Variants in PLCE1 observed in about 807,000 individuals in gnomAD.
PLCE1 encodes 1-phosphatidylinositol 4,5-bisphosphate phosphodiesterase epsilon-1.
Under a neutral mutation model 242.8 loss-of-function variants are expected in PLCE1, and 119 were observed. The ratio of observed to expected loss-of-function variants is 0.49; its 90% CI spans 0.42 to 0.57. The LOEUF (loss-of-function observed/expected upper bound fraction) is 0.57. Ranked by LOEUF, PLCE1 falls within the 20% of genes least tolerant of loss-of-function variation. The probability of loss-of-function intolerance (pLI) is 0.00; values close to 1 mark genes in which losing one functional copy is unlikely to be tolerated. For missense variants in PLCE1, 2,441 were observed against 2,788.8 expected (o/e 0.88, Z 2.81); for synonymous variants, 945 against 1,017.4 (o/e 0.93, Z 1.35).
chr10:94,071,500 T>TTTTTGTTTTTTTTTTTTTTTTG (rs1554848892), intron 2 of PLCE1, among the ~76,000 whole-genome samples: 2 of 130,758 alleles, frequency 1.5e-5, no homozygotes, highest in African/African-American at 6.5e-5. Flanking sequence ...TTTTCGTTTT[T>TTTTTGTTTTTTTTTTTTTTTTG]TTTTTTTTTT....
intron 3 of PLCE1, among the ~76,000 whole-genome samples, chr10:94,158,848 CT>C (rs1167078560): frequency 8.8e-6 from 1 of 113,182 alleles, no homozygotes; most frequent in African/African-American, 2.8e-5. Context: ...TTTTCTTCTT[CT>C]TTTTCTTTTT....
chr10:94,259,848 C>T (rs950104894), intron 13 of PLCE1, among the ~76,000 whole-genome samples: 1 of 152,040 alleles, frequency 6.6e-6, no homozygotes, highest in African/African-American at 2.4e-5. Context: ...GCTGGGGAGG[C>T]CTTACAATCA....
At chr10:94,237,760 AGTAAGCACTATTTCT>A (rs1194689509) in intron 7 of PLCE1, among the ~76,000 whole-genome samples, 4 of 152,208 alleles carry the variant, frequency 2.6e-5, no homozygotes, top group African/African-American at 9.6e-5. Flanking sequence ...AAACCAGATC[AGTAAGCACTATTTCT>A]GTGGCCATCT....
chr10:94,069,162 A>G (rs1403888737), intron 2 of PLCE1, among the ~76,000 whole-genome samples: 6 of 152,250 alleles, frequency 3.9e-5, no homozygotes, highest in South Asian at 2.1e-4. Context: ...TCACTACAAT[A>G]CATCTTTTTG....
Position 94,254,173 on chromosome 10 carries a change from GAGC to G in PLCE1, c.3280-16_3280-14del. The G allele has an allele frequency of 6.4e-7, 1 of 1,564,058 alleles. No homozygotes were observed. Among genetic ancestry groups the G allele is most frequent in the Non-Finnish European group, 8.8e-7 (1 of 1,134,312 alleles). ...AGAAATACAGGCTTGGAACCATCGT[GAGC>G]TTTGTGTTCCCAGGGTGAGAGTGGA... On this transcript the variant is annotated splice_polypyrimidine_tract_variant and intron_variant, in intron 9 of 32. Coordinates refer to ENST00000371380, the MANE Select transcript of PLCE1 (RefSeq NM_016341.4).
At chr10:94,186,928 G>A (rs1414122236) in intron 4 of PLCE1, among the ~76,000 whole-genome samples, 1 of 152,212 alleles carries the variant, frequency 6.6e-6, no homozygotes, top group Non-Finnish European at 1.5e-5. Flanking sequence ...TGGGCACTGA[G>A]CCAAACACTT....
intron 1 of PLCE1, among the ~76,000 whole-genome samples, chr10:94,000,598 T>G (rs2060913862): frequency 6.6e-6 from 1 of 152,246 alleles, no homozygotes; most frequent in South Asian, 2.1e-4. Context: ...TTGATAATTT[T>G]TATTGTTGTT....
At chr10:94,109,200 T>C (rs753185483) in intron 2 of PLCE1, 1 of 152,248 alleles carries the variant, frequency 6.6e-6, no homozygotes, top group Non-Finnish European at 1.5e-5. Flanking sequence ...TTTGCAGTTA[T>C]ACTGTAGTCA....
chr10:94,128,896 G>A (rs2046514249), intron 2 of PLCE1, among the ~76,000 whole-genome samples: 1 of 152,200 alleles, frequency 6.6e-6, no homozygotes, highest in South Asian at 2.1e-4. Context: ...AGAAGATCTA[G>A]CCATTTGATA....
At position 94,138,550 on chromosome 10, in the gene PLCE1, C is replaced by T. The variant is rs2046856812; in HGVS notation, c.1492+6091C>T. Reference sequence around the variant, plus strand: ...CTGTGGTCATACAGTGTGACTCAGACTCCATCTGGGGATCAGTTAGGTTGC... The same window carrying T: ...CTGTGGTCATACAGTGTGACTCAGATTCCATCTGGGGATCAGTTAGGTTGC... On this transcript the variant is annotated intron_variant, in intron 3 of 32. Transcript: ENST00000371380. 8.4e-6 allele frequency: 4 copies of T among 474,426 alleles called. No individual in the cohort carries two copies. The Admixed American group carries it at 9.1e-5, about 11-fold the overall frequency. The allele number at this position is 474,426 out of a possible 1,614,324, so 29.4% of individuals were successfully genotyped here. A position where few individuals can be genotyped will look rare whatever the true frequency, so the allele number is the denominator to read the frequency against.
chr10:93,994,057 C>G lies in PLCE1; in HGVS notation c.-566C>G, dbSNP rs987563942. 1.2e-5 allele frequency among the ~76,000 whole-genome samples: 1 copy of G among 84,668 alleles called. No homozygotes were observed. The highest frequency in any genetic ancestry group is 2.9e-5 in the Non-Finnish European group (1 of 34,638). 55.5% of individuals were successfully genotyped at this position (84,668 alleles called of 152,430 possible). The stretch of plus-strand genomic sequence containing the variant: ...GCGGGAGGGGCAGCGGCGGCGCGCC[C>G]GGGCTCTACCTCCCGGGCTCTGCCT... On this transcript the variant is annotated 5_prime_UTR_variant, in exon 1 of 33. Transcript: ENST00000371380.
At chr10:94,256,491 T>C (rs1438824559) in intron 11 of PLCE1, among the ~76,000 whole-genome samples, 1 of 152,160 alleles carries the variant, frequency 6.6e-6, no homozygotes, top group African/African-American at 2.4e-5. Context: ...TGGGTGAGCA[T>C]GGGTCAAGGT....
At chr10:94,015,817 CCCAGCTCTATTTGG>C (rs1288084247) in intron 1 of PLCE1, among the ~76,000 whole-genome samples, 9 of 152,134 alleles carry the variant, frequency 5.9e-5, no homozygotes, top group Non-Finnish European at 4.4e-5. Flanking sequence ...CAGCCTCAAA[CCCAGCTCTATTTGG>C]CCGAATGAAA....
chr10:94,213,928 C>T (rs574172989), intron 4 of PLCE1, among the ~76,000 whole-genome samples: 5 of 152,232 alleles, frequency 3.3e-5, no homozygotes, highest in South Asian at 4.1e-4. Flanking sequence ...TATTTATCAT[C>T]GCTTTTATTA....
rs1464344672 is a variant in PLCE1, at chr10:94,252,476, A to G, written c.3257A>G (p.Lys1086Arg). The change falls in exon 9 of 33, where the codon AAA becomes AGA. Residue 1086 changes from lysine (K) to arginine (R), a missense_variant. Lys to Arg is a conservative substitution (Grantham distance 26, BLOSUM62 2). This residue lies in a region of PLCE1 where 1,004 missense variants were observed against 1,322.7 expected (regional missense o/e 0.76). Transcript: ENST00000371380. ...ACCCTGGGCATAAGCACTACCAAGA[A>G]AAAGAAGAAAATCCTCATGAGGGTA... ...NNTLGISTTK[K>R]KKKILMRGES... 6.2e-7 allele frequency: 1 copy of G among 1,613,832 alleles called. No homozygotes were observed. Among genetic ancestry groups the G allele is most frequent in the Non-Finnish European group, 8.5e-7 (1 of 1,179,888 alleles).
chr10:94,145,733 G>A (rs889983549), intron 3 of PLCE1, among the ~76,000 whole-genome samples: 1 of 151,952 alleles, frequency 6.6e-6, no homozygotes, highest in African/African-American at 2.4e-5. Flanking sequence ...GCTTGGTCCT[G>A]CAGGCATCTC....
rs1392359262 is a variant in PLCE1, at chr10:94,106,912, T to TTCTCTTTCTCTCTCTCTCTCTCTC, written c.1207-25257_1207-25256insTTCTCTCTCTCTCTCTCTCTCTCT. Reference sequence around the variant, plus strand: ...GACTGGTGCTCGTGTTGTCTCTTGTTTCTCTCTCTCTCTCTCTCTCTCTCT... The same window carrying TTCTCTTTCTCTCTCTCTCTCTCTC: ...GACTGGTGCTCGTGTTGTCTCTTGTTTCTCTTTCTCTCTCTCTCTCTCTCTCTCTCTCTCTCTCTCTCTCTCTCT... On this transcript the variant is annotated intron_variant, in intron 2 of 32. Transcript: ENST00000371380. 1.3e-3 allele frequency among the ~76,000 whole-genome samples: 52 copies of TTCTCTTTCTCTCTCTCTCTCTCTC among 38,766 alleles called. 1 individual carries two copies. Among genetic ancestry groups the TTCTCTTTCTCTCTCTCTCTCTCTC allele is most frequent in the South Asian group, 2.4e-3 (1 of 418 alleles). 25.4% of individuals were successfully genotyped at this position (38,766 alleles called of 152,430 possible).
In PLCE1 at chr10:94,330,835, C is replaced by G. The variant is rs2054149640; in HGVS notation, c.*2892C>G. ...TATTATGCCAAGTGAAAGAAATTAT[C>G]CTAAATAGCCACTATGACTATACCC... On this transcript the variant is annotated 3_prime_UTR_variant, in exon 33 of 33. Coordinates refer to ENST00000371380, the MANE Select transcript of PLCE1 (RefSeq NM_016341.4). 6.6e-6 allele frequency: 1 copy of G among 152,178 alleles called. No homozygotes were observed. The highest frequency in any genetic ancestry group is 1.5e-5 in the Non-Finnish European group (1 of 68,036). The allele number at this position is 152,178 out of a possible 1,614,324, so 9.4% of individuals were successfully genotyped here. A position where few individuals can be genotyped will look rare whatever the true frequency, so the allele number is the denominator to read the frequency against.
At chr10:94,099,684 C>G (rs1462082723) in intron 2 of PLCE1, 1 of 152,136 alleles carries the variant, frequency 6.6e-6, no homozygotes, top group African/African-American at 2.4e-5. Flanking sequence ...AATGGTTGAA[C>G]AAGTCTGTAA....
Sources: gnomAD v4.1 joint callset for allele counts (sites outside exome capture counted in the v4.1 genomes callset) on GRCh38, gnomAD v4.1.1 for gene constraint, gnomAD v4.1.1 regional missense constraint, MANE v1.5 for transcripts, NCBI Gene and HGNC (gene_info 2026-07-23, HGNC 2026-07-21) for gene names.